The following PSMD1 variants were observed in gnomAD, a reference collection of about 807,000 sequenced individuals.
PSMD1 encodes proteasome 26S subunit, non-ATPase 1.
In PSMD1, 18 loss-of-function variants were observed where a neutral mutation model predicts 119.0. The observed-to-expected ratio is 0.15, with a 90% CI of 0.10 to 0.22. The LOEUF (loss-of-function observed/expected upper bound fraction) is 0.22. Ranked by LOEUF, PSMD1 falls within the 10% of genes least tolerant of loss-of-function variation. The probability of loss-of-function intolerance (pLI) is 1.00; values close to 1 mark genes in which losing one functional copy is unlikely to be tolerated. For synonymous variants in PSMD1, 374 were observed against 396.6 expected (o/e 0.94, Z 0.68); for missense variants, 702 against 1,158.5 (o/e 0.61, Z 5.72).
intron 23 of PSMD1, among the ~76,000 whole-genome samples, chr2:231,168,387 C>T (rs886235293): frequency 6.6e-6 from 1 of 152,060 alleles, no homozygotes; most frequent in African/African-American, 2.4e-5. Context: ...TTCATAATAG[C>T]CATAAAACGG....
At chr2:231,113,715 C>T (rs1695235454) in intron 16 of PSMD1, 1 of 1,608,152 alleles carries the variant, frequency 6.2e-7, no homozygotes, top group Non-Finnish European at 8.5e-7. Context: ...CACACTCTGG[C>T]ATTCTCTACA....
At chr2:231,121,879 G>A (rs1045950242) in intron 16 of PSMD1, among the ~76,000 whole-genome samples, 3 of 152,092 alleles carry the variant, frequency 2.0e-5, no homozygotes, top group South Asian at 4.1e-4. Flanking sequence ...CATTTTCTGT[G>A]TGCCTAGCAA....
intron 16 of PSMD1, 81 bp downstream of exon 16, chr2:231,087,262 G>A (rs1694476018): frequency 2.5e-6 from 3 of 1,207,048 alleles, no homozygotes; most frequent in Non-Finnish European, 3.6e-6. Context: ...CTACCAAACA[G>A]TTTAGTCACT....
intron 19 of PSMD1, 33 bp from the exon 20 acceptor site, chr2:231,161,307 A>G: frequency 6.5e-7 from 1 of 1,532,384 alleles, no homozygotes; most frequent in Non-Finnish European, 8.9e-7. Context: ...GGACAATACT[A>G]TTATTGTTCA....
intron 16 of PSMD1, among the ~76,000 whole-genome samples, chr2:231,134,389 C>T (rs1039807917): frequency 5.3e-5 from 8 of 152,164 alleles, no homozygotes; most frequent in Non-Finnish European, 1.2e-4. Flanking sequence ...AGTCACATAA[C>T]TAAGTCCCGA....
At position 231,136,481 on chromosome 2, in the gene PSMD1, G is replaced by A. The variant is rs142541989; in HGVS notation, c.1884-2255G>A. Among the ~76,000 whole-genome samples, 34 of 152,316 alleles carry A rather than the reference G, an allele frequency of 2.2e-4. 1 individual carries two copies. The highest frequency in any genetic ancestry group is 2.2e-3 in the Admixed American group (34 of 15,298). On this transcript the variant is annotated intron_variant, in intron 16 of 24. Coordinates refer to ENST00000308696, the MANE Select transcript of PSMD1 (RefSeq NM_002807.4). ...TTTTATTTTATTGGTTTGAATTACTGAAATAGTTTTCTTGCTGGTTTTTCC... is the reference window on the plus strand; with the variant it reads ...TTTTATTTTATTGGTTTGAATTACTAAAATAGTTTTCTTGCTGGTTTTTCC...
At chr2:231,084,221 G>A (rs572755739) in intron 14 of PSMD1, among the ~76,000 whole-genome samples, 22 of 152,078 alleles carry the variant, frequency 1.4e-4, no homozygotes, top group Admixed American at 1.1e-3. Context: ...GCTTGGTGGC[G>A]GACACCTGTA....
At chr2:231,091,429 A>C (rs1345790792) in intron 16 of PSMD1, among the ~76,000 whole-genome samples, 1 of 152,170 alleles carries the variant, frequency 6.6e-6, no homozygotes, top group African/African-American at 2.4e-5. Flanking sequence ...TAATTTTTAT[A>C]ACTTTTCCCA....
chr2:231,072,536 T>C (rs144826083), intron 7 of PSMD1, 121 bp downstream of exon 7: 9,156 of 840,578 alleles, frequency 0.011, 86 homozygotes, highest in South Asian at 0.031. Context: ...CTTTCATAGA[T>C]TGTAAAGTCT....
chr2:231,140,474 T>G (rs1696079503), intron 17 of PSMD1, among the ~76,000 whole-genome samples: 1 of 123,806 alleles, frequency 8.1e-6, no homozygotes, highest in Admixed American at 9.6e-5. Flanking sequence ...TCAGCCTGGG[T>G]GACAGAGCAA....
chr2:231,086,744 A>G (rs1694452999), intron 15 of PSMD1, among the ~76,000 whole-genome samples: 1 of 152,116 alleles, frequency 6.6e-6, no homozygotes, highest in South Asian at 2.1e-4. Context: ...GAAATTTTTC[A>G]ATAACTTTTT....
intron 16 of PSMD1, chr2:231,124,839 T>C (rs1411178644): frequency 6.6e-6 from 1 of 152,188 alleles, no homozygotes; most frequent in African/African-American, 2.4e-5. Flanking sequence ...AAAACTCTCC[T>C]TTAGCATTAG....
At chr2:231,120,143 G>A (rs758526265) in intron 16 of PSMD1, among the ~76,000 whole-genome samples, 1 of 151,908 alleles carries the variant, frequency 6.6e-6, no homozygotes, top group African/African-American at 2.4e-5. Context: ...GTAGGGACAG[G>A]GTTTCGCCAT....
chr2:231,071,876 G>A (rs1694048685), intron 6 of PSMD1, among the ~76,000 whole-genome samples: 1 of 152,104 alleles, frequency 6.6e-6, no homozygotes, highest in East Asian at 1.9e-4. Flanking sequence ...GAGCACTTAG[G>A]TATAACTTAT....
chr2:231,108,649 G>A lies in PSMD1; in HGVS notation c.1883+21468G>A, dbSNP rs61731723. ...TCATTGGACTCTGGTACATGGCAGG[G>A]TTAATCCCATTTCGAATTCCATGTT... On this transcript the variant is annotated intron_variant, in intron 16 of 24. Transcript: ENST00000308696. The A allele has an allele frequency of 5.7e-3, 9,203 of 1,614,022 alleles. 465 individuals carry two copies. In the African/African-American group the frequency reaches 0.11, roughly 19 times the overall value.
rs1021215596 is a variant in PSMD1, at chr2:231,170,767, T to C, written c.*9+46T>C. 21 of 1,495,988 alleles carry C rather than the reference T, an allele frequency of 1.4e-5. No homozygotes were observed. Among genetic ancestry groups the C allele is most frequent in the African/African-American group, 2.8e-5 (2 of 70,852 alleles). 92.7% of individuals were successfully genotyped at this position (1,495,988 alleles called of 1,614,324 possible). A position where few individuals can be genotyped will look rare whatever the true frequency, so the allele number is the denominator to read the frequency against. ...TGAAGGGAAACTTCTTTGTCAATACTTCACAAATGTTTTTTGCAAGGACAT... is the reference window on the plus strand; with the variant it reads ...TGAAGGGAAACTTCTTTGTCAATACCTCACAAATGTTTTTTGCAAGGACAT... On this transcript the variant is annotated intron_variant, in intron 24 of 24. Transcript: ENST00000308696. The surrounding 1 kb of genome is among the most constrained non-coding windows in gnomAD (Gnocchi z 4.1).
At chr2:231,146,131 T>C (rs1399758561) in intron 17 of PSMD1, 109 bp from the exon 18 acceptor site, 7 of 707,100 alleles carry the variant, frequency 9.9e-6, no homozygotes, top group Non-Finnish European at 1.8e-5. Flanking sequence ...CCATCATATA[T>C]GCAGTGTGTC....
At chr2:231,158,004 TCTC>T (rs1468055366) in intron 19 of PSMD1, among the ~76,000 whole-genome samples, 2 of 152,038 alleles carry the variant, frequency 1.3e-5, no homozygotes, top group Non-Finnish European at 2.9e-5. Flanking sequence ...GTCTTGATCT[TCTC>T]TCAGTAAAAT....
chr2:231,159,083 C>G (rs1328223061), intron 19 of PSMD1, among the ~76,000 whole-genome samples: 1 of 151,966 alleles, frequency 6.6e-6, no homozygotes, highest in Non-Finnish European at 1.5e-5. Context: ...TTCTTGACTC[C>G]AAGCAAAATG....
Sources: gnomAD v4.1 joint callset for allele counts (sites outside exome capture counted in the v4.1 genomes callset) on GRCh38, gnomAD v4.1.1 for gene constraint, Gnocchi (gnomAD v3.1) non-coding constraint, MANE v1.5 for transcripts, NCBI Gene and HGNC (gene_info 2026-07-23, HGNC 2026-07-21) for gene names.